The following GPR39 variants were observed in gnomAD, a reference collection of about 807,000 sequenced individuals.
The protein encoded by GPR39 is G protein-coupled receptor 39.
A neutral mutation model predicts 18.4 loss-of-function variants in GPR39; 23 were observed. The ratio of observed to expected loss-of-function variants is 1.25; its 90% CI spans 0.90 to 1.77. The LOEUF (loss-of-function observed/expected upper bound fraction) is 1.77. GPR39 is among the 40% of genes most tolerant of loss of function. GPR39 has a pLI of 0.00. For synonymous variants in GPR39, 280 were observed against 257.9 expected (o/e 1.09, Z -0.82); for missense variants, 647 against 602.4 (o/e 1.07, Z -0.78).
At chr2:132,532,173 A>G (rs1391533249) in intron 1 of GPR39, among the ~76,000 whole-genome samples, 2 of 152,252 alleles carry the variant, frequency 1.3e-5, no homozygotes, top group African/African-American at 4.8e-5. Context: ...ATCACCACCA[A>G]TCCCACAGAA....
At chr2:132,480,074 G>A (rs574479044) in intron 1 of GPR39, among the ~76,000 whole-genome samples, 71 of 152,270 alleles carry the variant, frequency 4.7e-4, no homozygotes, top group Non-Finnish European at 9.0e-4. Flanking sequence ...ATATTATTCA[G>A]TCTTAAAATG....
chr2:132,458,549 T>C (rs1402169973), intron 1 of GPR39, among the ~76,000 whole-genome samples: 2 of 151,822 alleles, frequency 1.3e-5, no homozygotes, highest in Non-Finnish European at 2.9e-5. Flanking sequence ...GTCACATTTT[T>C]TGTATCTGCT....
intron 1 of GPR39, among the ~76,000 whole-genome samples, chr2:132,505,922 T>C (rs1679127387): frequency 6.6e-6 from 1 of 152,196 alleles, no homozygotes; most frequent in Non-Finnish European, 1.5e-5. Flanking sequence ...TACCAAGGAG[T>C]GGGATTGATG....
rs755727596 is a variant in GPR39 at position 132,645,203 on chromosome 2, G to A, written c.959G>A (p.Arg320Gln). Reference sequence around the variant, plus strand: ...CACGACTGGACGAGGTCCTACTTCCGGGCGTACATGATCCTCCTCCCCTTC... The same window carrying A: ...CACGACTGGACGAGGTCCTACTTCCAGGCGTACATGATCCTCCTCCCCTTC... The part of the protein sequence containing the change: ...PKHDWTRSYF[R>Q]AYMILLPFSE... Residue 320 changes from arginine (R) to glutamine (Q), a missense_variant, in exon 2 of 2, where the codon CGG (arginine) becomes CAG (glutamine). Physicochemically the swap from Arg to Gln is conservative, Grantham distance 43. Around this residue, in one of 3 missense-constraint regions of GPR39, gnomAD observed 581 missense variants for 506.8 expected, o/e 1.15. Transcript: ENST00000329321. 9 of 1,613,978 alleles carry A rather than the reference G, an allele frequency of 5.6e-6. No homozygotes were observed. In the African/African-American group the frequency reaches 8.0e-5, roughly 14 times the overall value.
chr2:132,420,211 T>C (rs1157238662), intron 1 of GPR39, among the ~76,000 whole-genome samples: 1 of 152,256 alleles, frequency 6.6e-6, no homozygotes, highest in Non-Finnish European at 1.5e-5. Flanking sequence ...TGCGATAATG[T>C]CCTGGGGGAA....
At position 132,616,011 on chromosome 2, in the gene GPR39, G is replaced by A. The variant is rs1489575522; in HGVS notation, c.857-29090G>A. On this transcript the variant is annotated intron_variant, in intron 1 of 1. Transcript: ENST00000329321. The stretch of plus-strand genomic sequence containing the variant: ...AACACAGATTAGGCAAGTATGGTGA[G>A]AGTCACAGGAATGCAAACAGCCTCC... Among the ~76,000 whole-genome samples, 11 of 150,970 alleles carry A rather than the reference G, an allele frequency of 7.3e-5. No homozygotes were observed. In the Admixed American group the frequency reaches 7.3e-4, roughly 10 times the overall value.
intron 1 of GPR39, among the ~76,000 whole-genome samples, chr2:132,585,076 A>G (rs528252858): frequency 1.3e-5 from 2 of 152,282 alleles, no homozygotes; most frequent in Admixed American, 6.5e-5. Context: ...TTTGGTTGAC[A>G]TTCTTTACGT....
At chr2:132,484,992 A>G (rs1681303476) in intron 1 of GPR39, among the ~76,000 whole-genome samples, 1 of 152,204 alleles carries the variant, frequency 6.6e-6, no homozygotes, top group African/African-American at 2.4e-5. Context: ...TTGGGGGCAA[A>G]ATTGTGAAAC....
At chr2:132,429,329 G>T (rs918084687) in intron 1 of GPR39, among the ~76,000 whole-genome samples, 3 of 152,228 alleles carry the variant, frequency 2.0e-5, no homozygotes, top group African/African-American at 2.4e-5. Context: ...TGTTTTGGAT[G>T]GTCAGTGTCA....
At chr2:132,638,619 A>G (rs1681808313) in intron 1 of GPR39, among the ~76,000 whole-genome samples, 1 of 152,254 alleles carries the variant, frequency 6.6e-6, no homozygotes, top group African/African-American at 2.4e-5. Flanking sequence ...GGGTCAGACA[A>G]GGTCAGTGAG....
At chr2:132,560,553 A>G (rs1680233006) in intron 1 of GPR39, among the ~76,000 whole-genome samples, 2 of 152,228 alleles carry the variant, frequency 1.3e-5, no homozygotes, top group Non-Finnish European at 2.9e-5. Context: ...TCTGGAGTTA[A>G]CACTGGCCTT....
intron 1 of GPR39, among the ~76,000 whole-genome samples, chr2:132,551,102 C>T (rs1007613961): frequency 5.3e-5 from 8 of 152,154 alleles, no homozygotes; most frequent in African/African-American, 1.9e-4. Flanking sequence ...TACAAGAATT[C>T]TGGAAGTAGG....
chr2:132,558,805 A>G (rs910030820), intron 1 of GPR39, among the ~76,000 whole-genome samples: 1 of 152,204 alleles, frequency 6.6e-6, no homozygotes, highest in Admixed American at 6.5e-5. Flanking sequence ...ACAGGGGCAG[A>G]CCTGGAAGGA....
chr2:132,441,544 T>A (rs1680439358), intron 1 of GPR39, among the ~76,000 whole-genome samples: 1 of 152,204 alleles, frequency 6.6e-6, no homozygotes, highest in African/African-American at 2.4e-5. Flanking sequence ...CTGGGCTTGG[T>A]GCTGTGTGTG....
At chr2:132,534,540 A>G (rs991438868) in intron 1 of GPR39, among the ~76,000 whole-genome samples, 1 of 149,176 alleles carries the variant, frequency 6.7e-6, no homozygotes, top group African/African-American at 2.4e-5. Flanking sequence ...ACATGCACAC[A>G]CATGTTTATT....
At chr2:132,467,194 T>G (rs139494658) in intron 1 of GPR39, among the ~76,000 whole-genome samples, 2 of 152,138 alleles carry the variant, frequency 1.3e-5, no homozygotes, top group Admixed American at 6.5e-5. Flanking sequence ...AGGCAGGTGT[T>G]GAGCATAGAT....
At chr2:132,617,470 A>G (rs139862522) in intron 1 of GPR39, among the ~76,000 whole-genome samples, 284 of 152,200 alleles carry the variant, frequency 1.9e-3, no homozygotes, top group African/African-American at 6.7e-3. Context: ...ATGAGATTTA[A>G]TTGCTGTCTT....
intron 1 of GPR39, among the ~76,000 whole-genome samples, chr2:132,534,847 G>A (rs549064001): frequency 1.5e-4 from 23 of 152,124 alleles, no homozygotes; most frequent in Non-Finnish European, 3.1e-4. Context: ...TGTGGGGTTG[G>A]GGGAGGAGGG....
intron 1 of GPR39, among the ~76,000 whole-genome samples, chr2:132,542,553 G>A (rs1679880437): frequency 6.6e-6 from 1 of 152,188 alleles, no homozygotes; most frequent in South Asian, 2.1e-4. Context: ...AGACCTGGAA[G>A]GGGAAGGAGG....
Sources: allele counts gnomAD v4.1 joint callset (sites outside exome capture counted in the v4.1 genomes callset), GRCh38; gene constraint gnomAD v4.1.1; regional missense constraint gnomAD v4.1.1; transcripts MANE v1.5; gene names NCBI Gene and HGNC (gene_info 2026-07-23, HGNC 2026-07-21).